GPS1: variants seen among roughly 807,000 people sequenced by gnomAD.
GPS1 encodes the protein G protein pathway suppressor 1, also known as COP9 signalosome complex subunit 1.
A neutral mutation model predicts 60.0 loss-of-function variants in GPS1; 11 were observed. The observed-to-expected ratio is 0.18, with a 90% CI of 0.12 to 0.30. The LOEUF is 0.30. Among genes scored for constraint, GPS1 ranks in the 10% least tolerant of loss-of-function variants. The probability of loss-of-function intolerance (pLI) is 1.00; values close to 1 mark genes in which losing one functional copy is unlikely to be tolerated. For synonymous variants in GPS1, 343 were observed against 269.8 expected (o/e 1.27, Z -2.66); for missense variants, 543 against 669.2 (o/e 0.81, Z 2.08).
intron 1 of GPS1, 197 bp from the exon 2 acceptor site, chr17:82,053,077 C>T: frequency 4.8e-6 from 2 of 420,348 alleles, no homozygotes. Context: ...AGACCCCTCC[C>T]TGATGTGGTG....
chr17:82,053,260 G>A lies in GPS1; in HGVS notation c.34-14G>A. 1 of 1,529,422 alleles carries A rather than the reference G, an allele frequency of 6.5e-7. No individual in the cohort carries two copies. Among genetic ancestry groups the A allele is most frequent in the Non-Finnish European group, 8.7e-7 (1 of 1,147,868 alleles). 94.7% of individuals were successfully genotyped at this position (1,529,422 alleles called of 1,614,324 possible). On this transcript the variant is annotated splice_polypyrimidine_tract_variant and intron_variant, in intron 1 of 12. Transcript: ENST00000578552. ...CCCCAGGACGAGGTGCCAGGTGCCT[G>A]GCCCATGTTGCAGGGGGCCGTGGAG...
At position 82,055,283 on chromosome 17, in the gene GPS1, C is replaced by T. The variant is rs541840696; in HGVS notation, c.748+61C>T. On this transcript the variant is annotated intron_variant, in intron 6 of 12. Transcript: ENST00000578552. ...TCCCCTGTTGCTAAGTCCTCCCAGC[C>T]CAGGGCAGTAGGCTGGTCCCTGCCT... The T allele has an allele frequency of 3.7e-5, 55 of 1,500,160 alleles. No individual in the cohort carries two copies. In the African/African-American group the frequency reaches 6.2e-4, roughly 17 times the overall value. The allele number at this position is 1,500,160 out of a possible 1,614,324, so 92.9% of individuals were successfully genotyped here.
chr17:82,055,347 G>T (rs1319680549), intron 6 of GPS1, 125 bp downstream of exon 6: 2 of 984,800 alleles, frequency 2.0e-6, no homozygotes, highest in South Asian at 1.4e-5. Flanking sequence ...GCAGGATGTT[G>T]TGGGCACATG....
chr17:82,052,180 C>T, intron 1 of GPS1: 1 of 1,334,708 alleles, frequency 7.5e-7, no homozygotes, highest in South Asian at 1.4e-5. Context: ...GGGCCGCGCC[C>T]GCCCCGCCTC....
chr17:82,054,685 G>A lies in GPS1; in HGVS notation c.484G>A (p.Asp162Asn). ...SIKESIRRGH[D>N]DLGDHYLDCG... ...CAAAGAGAGCATCCGGCGCGGCCAC[G>A]ACGACCTGGGCGACCACTACCTGGA... Residue 162 changes from aspartate (D) to asparagine (N), a missense_variant, in exon 4 of 13, where the codon GAC becomes AAC. By Grantham distance (23) the Asp-to-Asn change is conservative. Around this residue, in one of 3 missense-constraint regions of GPS1, gnomAD observed 71 missense variants for 126.7 expected, o/e 0.56. Transcript: ENST00000578552. 5 of 1,611,792 alleles carry A rather than the reference G, an allele frequency of 3.1e-6. No homozygotes were observed. Among genetic ancestry groups the A allele is most frequent in the Admixed American group, 1.7e-5 (1 of 60,012 alleles).
intron 1 of GPS1, 173 bp from the exon 2 acceptor site, chr17:82,053,101 G>A: frequency 2.2e-6 from 1 of 448,602 alleles, no homozygotes; most frequent in Non-Finnish European, 3.9e-6. Flanking sequence ...CAGGAGCCTG[G>A]GTGGGGGCGG....
In GPS1 at chr17:82,055,821, C is replaced by G. The variant is rs1286698081; in HGVS notation, c.830C>G (p.Pro277Arg). The change falls in exon 7 of 13, where the codon CCT (proline) becomes CGT (arginine). Residue 277 changes from proline to arginine, a missense_variant. Around this residue, in one of 3 missense-constraint regions of GPS1, gnomAD observed 291 missense variants for 353.7 expected, o/e 0.82. Coordinates refer to ENST00000578552, the MANE Select transcript of GPS1 (RefSeq NM_001321092.3). ...LLASFDHCDF[P>R]ELLSPSNVAI... ...GCTTCCTTTGATCACTGTGACTTCC[C>G]TGAGGTGAGGAGCCCTCTGGGGACT... The G allele has an allele frequency of 6.4e-7, 1 of 1,562,432 alleles. No homozygotes were observed. The highest frequency in any genetic ancestry group is 8.7e-7 in the Non-Finnish European group (1 of 1,152,504).
rs759173118 is a variant in GPS1 at position 82,057,136 on chromosome 17, C to T, written c.*9C>T. ...TGAGCACCAACATGTGAGGGGTGAA[C>T]CTTGGCCTCCAGGACATCTGCACCC... is the stretch of plus-strand genomic sequence containing the variant. On this transcript the variant is annotated 3_prime_UTR_variant, in exon 13 of 13. Coordinates refer to ENST00000578552, the MANE Select transcript of GPS1 (RefSeq NM_001321092.3). 2 of 1,567,374 alleles carry T rather than the reference C, an allele frequency of 1.3e-6. No homozygotes were observed. The highest frequency in any genetic ancestry group is 1.8e-5 in the Admixed American group (1 of 56,274).
At position 82,056,555 on chromosome 17, in the gene GPS1, G is replaced by T; in HGVS notation, c.1116+5G>T. ...CGCAACCGTGCCCTCATCCAGGTAA[G>T]CGTGGGGGTCAGGCTGGCACACGGC... is the stretch of plus-strand genomic sequence containing the variant. On this transcript the variant is annotated splice_donor_5th_base_variant and intron_variant, in intron 10 of 12. Coordinates refer to ENST00000578552, the MANE Select transcript of GPS1 (RefSeq NM_001321092.3). The T allele has an allele frequency of 6.2e-7, 1 of 1,612,868 alleles. No homozygotes were observed. Among genetic ancestry groups the T allele is most frequent in the South Asian group, 1.1e-5 (1 of 91,078 alleles).
intron 1 of GPS1, 165 bp downstream of exon 1, chr17:82,052,129 C>T: frequency 1.1e-6 from 1 of 915,442 alleles, no homozygotes. Context: ...GGGCCGAGGG[C>T]GCGTCTCCGC....
upstream of GPS1, chr17:82,051,682 G>A: frequency 1.0e-6 from 1 of 1,001,730 alleles, no homozygotes; most frequent in Non-Finnish European, 1.2e-6. This position sits in a 1 kb window ranked among gnomAD's most constrained non-coding sequence, Gnocchi z 4.1. Context: ...GCGCGGGGCA[G>A]CGGCAGCGGC....
intron 2 of GPS1, 107 bp from the exon 3 acceptor site, chr17:82,053,761 G>A: frequency 1.7e-6 from 2 of 1,147,322 alleles, no homozygotes; most frequent in African/African-American, 1.5e-5. Context: ...ATGGGCCCAG[G>A]GCGACATTCT....
At position 82,055,196 on chromosome 17, in the gene GPS1, T is replaced by C; in HGVS notation, c.722T>C (p.Ile241Thr). ...GAGCGTGACAGCCAGACCCAGGCCA[T>C]CCTCACCAAGCTCAAGTGTGCCGCA... is the stretch of plus-strand genomic sequence containing the variant. The part of the protein sequence containing the change: ...RGERDSQTQA[I>T]LTKLKCAAGL... Residue 241 changes from isoleucine to threonine, a missense_variant, in exon 6 of 13, where the codon ATC becomes ACC. Coordinates refer to ENST00000578552, the MANE Select transcript of GPS1 (RefSeq NM_001321092.3). 1 of 1,559,766 alleles carries C rather than the reference T, an allele frequency of 6.4e-7. No homozygotes were observed. Among genetic ancestry groups the C allele is most frequent in the Non-Finnish European group, 8.7e-7 (1 of 1,152,140 alleles).
intron 1 of GPS1, chr17:82,052,926 A>G: frequency 4.0e-6 from 1 of 250,250 alleles, no homozygotes; most frequent in East Asian, 8.7e-5. Context: ...AAACTACATC[A>G]GGATGGTGGC....
At chr17:82,055,389 CG>C in intron 6 of GPS1, 167 bp downstream of exon 6, 1 of 730,150 alleles carries the variant, frequency 1.4e-6, no homozygotes, top group Non-Finnish European at 2.4e-6. Flanking sequence ...AAGTCTGCCC[CG>C]GGGAAGCCAG....
intron 6 of GPS1, 59 bp downstream of exon 6, chr17:82,055,281 G>GC (rs746100987): frequency 3.3e-6 from 5 of 1,504,352 alleles, no homozygotes; most frequent in East Asian, 4.9e-5. Context: ...AGTCCTCCCA[G>GC]CCCAGGGCAG....
In GPS1 at chr17:82,055,177, G is replaced by A. The variant is rs1447920955; in HGVS notation, c.703G>A (p.Asp235Asn). 1 of 1,562,304 alleles carries A rather than the reference G, an allele frequency of 6.4e-7. No individual in the cohort carries two copies. Residue 235 changes from aspartate to asparagine, a missense_variant, in exon 6 of 13, where the codon GAC (aspartate) becomes AAC (asparagine). Asp to Asn is a conservative substitution (Grantham distance 23, BLOSUM62 1). This residue lies in a region of GPS1 where 291 missense variants were observed against 353.7 expected (regional missense o/e 0.82). Coordinates refer to ENST00000578552, the MANE Select transcript of GPS1 (RefSeq NM_001321092.3). ...CCTCCTACAGCAGCGAGGAGAGCGT[G>A]ACAGCCAGACCCAGGCCATCCTCAC... is the stretch of plus-strand genomic sequence containing the variant. ...PEIAEQRGERDSQTQAILTKL... is the reference protein window; with the variant it reads ...PEIAEQRGERNSQTQAILTKL...
chr17:82,051,182 T>C, upstream of GPS1: 2 of 1,302,622 alleles, frequency 1.5e-6, no homozygotes, highest in Non-Finnish European at 2.0e-6. This position sits in a 1 kb window ranked among gnomAD's most constrained non-coding sequence, Gnocchi z 4.1. Flanking sequence ...TCCCCGGGCC[T>C]CGGGAGCCTG....
chr17:82,056,797 G>C, intron 11 of GPS1, 31 bp downstream of exon 11: 1 of 1,607,086 alleles, frequency 6.2e-7, no homozygotes, highest in Non-Finnish European at 8.5e-7. Flanking sequence ...GGTGGGGGCA[G>C]CTGGGGGTGA....
Sources: allele counts gnomAD v4.1 joint callset, GRCh38; gene constraint gnomAD v4.1.1; regional missense constraint gnomAD v4.1.1; non-coding constraint Gnocchi (gnomAD v3.1); transcripts MANE v1.5; gene names NCBI Gene and HGNC (gene_info 2026-07-23, HGNC 2026-07-21).